The following OARD1 variants were observed in gnomAD, a reference collection of about 807,000 sequenced individuals.
OARD1 encodes ADP-ribose glycohydrolase OARD1.
Under a neutral mutation model 19.7 loss-of-function variants are expected in OARD1, and 19 were observed. That is an observed-to-expected ratio of 0.96 (90% confidence interval 0.67 to 1.41). OARD1 has a LOEUF of 1.41. Among genes scored for constraint, OARD1 ranks in the 40% most tolerant of loss-of-function variants. OARD1 has a pLI of 0.00. For missense variants in OARD1, 190 were observed against 183.8 expected, an observed-to-expected ratio of 1.03 and a Z score of -0.20; for synonymous variants, 70 against 61.8, an observed-to-expected ratio of 1.13 and a Z score of -0.62.
intron 1 of OARD1, chr6:41,094,305 C>G: frequency 8.9e-7 from 1 of 1,117,928 alleles, no homozygotes; most frequent in Admixed American, 2.0e-5. Flanking sequence ...TCCCAGCTGT[C>G]TTAAACTTTG....
chr6:41,090,299 T>A (rs1187387155), intron 1 of OARD1: 2 of 1,613,112 alleles, frequency 1.2e-6, no homozygotes, highest in Non-Finnish European at 1.7e-6. Flanking sequence ...ATGGCACCAT[T>A]CTCCAGCAAG....
intron 1 of OARD1, among the ~76,000 whole-genome samples, chr6:41,088,617 T>C (rs1012514133): frequency 2.6e-5 from 4 of 151,950 alleles, no homozygotes; most frequent in Admixed American, 2.6e-4. Context: ...AGTTACTCGC[T>C]CTGTTGCCTA....
intron 1 of OARD1, chr6:41,089,841 C>A: frequency 7.7e-7 from 1 of 1,297,782 alleles, no homozygotes. Flanking sequence ...TATTTTTGGC[C>A]GGGCGCGGTG....
intron 1 of OARD1, chr6:41,080,870 A>C (rs1317152451): frequency 6.2e-7 from 1 of 1,614,040 alleles, no homozygotes; most frequent in African/African-American, 1.3e-5. Context: ...CATCCGCCTC[A>C]GGCCAGCAAG....
At chr6:41,097,357 G>C (rs200458300) in intron 1 of OARD1, 13 of 1,613,838 alleles carry the variant, frequency 8.1e-6, no homozygotes, top group Non-Finnish European at 1.1e-5. Context: ...TTGTCTCTAG[G>C]ATCCAAACCA....
intron 1 of OARD1, among the ~76,000 whole-genome samples, chr6:41,080,643 T>C (rs1331777331): frequency 6.6e-6 from 1 of 152,242 alleles, no homozygotes; most frequent in Non-Finnish European, 1.5e-5. Context: ...AGGGCTAATA[T>C]CTTTAATCCT....
chr6:41,096,632 T>G (rs973450246), intron 1 of OARD1, among the ~76,000 whole-genome samples: 1 of 152,230 alleles, frequency 6.6e-6, no homozygotes, highest in Non-Finnish European at 1.5e-5. Flanking sequence ...CTTTCAGCTT[T>G]TTCTCAGATC....
intron 1 of OARD1, among the ~76,000 whole-genome samples, chr6:41,079,950 T>C (rs1176027755): frequency 6.6e-6 from 1 of 152,174 alleles, no homozygotes; most frequent in African/African-American, 2.4e-5. Context: ...CCTGATAGCT[T>C]TCCCTTCCAT....
At position 41,089,531 on chromosome 6, in the gene OARD1, G is replaced by C. The variant is rs772826119; in HGVS notation, c.-42+8182C>G. The C allele has an allele frequency of 2.0e-6, 3 of 1,505,296 alleles. No individual in the cohort carries two copies. The South Asian group carries it at 3.9e-5, about 20-fold the overall frequency. The allele number at this position is 1,505,296 out of a possible 1,614,324, so 93.2% of individuals were successfully genotyped here. On this transcript the variant is annotated intron_variant, in intron 1 of 4. Coordinates refer to the OARD1 transcript ENST00000480585. ...TGGATAACTCTCGGGGACCAAAGGAGACCAGTGTCAGTAGAGTACAATCCT... is the reference window on the plus strand; with the variant it reads ...TGGATAACTCTCGGGGACCAAAGGACACCAGTGTCAGTAGAGTACAATCCT...
At chr6:41,071,376 C>T (rs1763376374) in intron 2 of OARD1, 100 bp from the exon 3 acceptor site, 4 of 1,209,990 alleles carry the variant, frequency 3.3e-6, no homozygotes, top group Non-Finnish European at 4.7e-6. Context: ...CCTCTCCCGG[C>T]ACCCCTTCCT....
intron 3 of OARD1, chr6:41,070,892 A>G (rs543875450): frequency 1.7e-6 from 1 of 603,398 alleles, no homozygotes; most frequent in African/African-American, 1.9e-5. Flanking sequence ...CAAGTTTCAG[A>G]GAAGTACAGT....
intron 1 of OARD1, among the ~76,000 whole-genome samples, chr6:41,089,968 G>C (rs539990227): frequency 1.3e-5 from 2 of 152,054 alleles, no homozygotes; most frequent in African/African-American, 4.8e-5. Flanking sequence ...AAAATTAGGT[G>C]GGCATGGTGG....
At chr6:41,071,499 G>C in intron 2 of OARD1, 97 bp downstream of exon 2, 2 of 1,170,424 alleles carry the variant, frequency 1.7e-6, no homozygotes, top group Admixed American at 1.8e-5. Flanking sequence ...GAGAAAAAAA[G>C]ATAATGCAAT....
chr6:41,071,600 C>A lies in OARD1; in HGVS notation c.35G>T (p.Ser12Ile). 6.2e-7 allele frequency: 1 copy of A among 1,612,948 alleles called. No homozygotes were observed. Among genetic ancestry groups the A allele is most frequent in the Non-Finnish European group, 8.5e-7 (1 of 1,178,888 alleles). The change falls in exon 2 of 6, where the codon AGC (serine) becomes ATC (isoleucine). Residue 12 changes from serine (S) to isoleucine (I), a missense_variant. Coordinates refer to ENST00000424266, the MANE Select transcript of OARD1 (RefSeq NM_001329686.2). ...ASSLNEDPEG[S>I]RITYVKGDLF... The stretch of plus-strand genomic sequence containing the variant: ...AAGTCAATAGTTGTTACGCACTCTG[C>A]TTCCTTCTGGATCTTCATTAAGGCT...
At chr6:41,092,832 A>G in intron 1 of OARD1, 1 of 1,459,872 alleles carries the variant, frequency 6.8e-7, no homozygotes, top group Non-Finnish European at 9.2e-7. Flanking sequence ...TACAAAAAAA[A>G]TGGATGAAGA....
intron 1 of OARD1, among the ~76,000 whole-genome samples, chr6:41,080,189 C>G (rs2113793153): frequency 6.6e-6 from 1 of 152,262 alleles, no homozygotes; most frequent in East Asian, 1.9e-4. Flanking sequence ...TGCTGCATGC[C>G]TGTAATCCCA....
At chr6:41,093,471 CTT>C (rs769282285) in intron 1 of OARD1, among the ~76,000 whole-genome samples, 3 of 142,580 alleles carry the variant, frequency 2.1e-5, no homozygotes, top group Admixed American at 7.0e-5. Flanking sequence ...GGTACCCTTT[CTT>C]TTTTTTTTTT....
chr6:41,073,776 C>T (rs939521940), upstream of OARD1, among the ~76,000 whole-genome samples: 6 of 152,058 alleles, frequency 3.9e-5, no homozygotes, highest in Non-Finnish European at 8.8e-5. Flanking sequence ...ACTCCCCCTG[C>T]TCCGCCGCGC....
chr6:41,083,894 G>T (rs1763974580), intron 1 of OARD1: 1 of 669,214 alleles, frequency 1.5e-6, no homozygotes, highest in Non-Finnish European at 2.3e-6. Context: ...GATATTTAAA[G>T]ATAACTTGAG....
Sources: gnomAD v4.1 joint callset for allele counts (sites outside exome capture counted in the v4.1 genomes callset) on GRCh38, gnomAD v4.1.1 for gene constraint, MANE v1.5 for transcripts, NCBI Gene and HGNC (gene_info 2026-07-23, HGNC 2026-07-21) for gene names.